RGL1: variants seen among roughly 807,000 people sequenced by gnomAD.
RGL1 encodes ral guanine nucleotide dissociation stimulator-like 1.
RGL1 carries 24 observed loss-of-function variants against 95.2 expected under a neutral mutation model. The ratio of observed to expected loss-of-function variants is 0.25; its 90% CI spans 0.18 to 0.35. The LOEUF is 0.35. Ranked by LOEUF, RGL1 falls within the 10% of genes least tolerant of loss-of-function variation. The probability of loss-of-function intolerance (pLI) is 1.00; values close to 1 mark genes in which losing one functional copy is unlikely to be tolerated. For missense variants in RGL1, 715 were observed against 936.3 expected, an observed-to-expected ratio of 0.76 and a Z score of 3.08; for synonymous variants, 329 against 344.9, an observed-to-expected ratio of 0.95 and a Z score of 0.51.
chr1:183,650,318 C>T (rs771976582), intron 1 of RGL1, among the ~76,000 whole-genome samples: 10 of 152,040 alleles, frequency 6.6e-5, no homozygotes, highest in Non-Finnish European at 1.0e-4. Context: ...CCAGGGTGGG[C>T]GGATCATGAG....
intron 1 of RGL1, among the ~76,000 whole-genome samples, chr1:183,681,538 G>T (rs1241532487): frequency 3.9e-5 from 6 of 152,206 alleles, no homozygotes; most frequent in Non-Finnish European, 7.3e-5. Context: ...CTTGATCATG[G>T]TGGATAAGCT....
intron 2 of RGL1, among the ~76,000 whole-genome samples, chr1:183,762,196 G>A (rs187477102): frequency 9.2e-5 from 14 of 152,330 alleles, no homozygotes; most frequent in African/African-American, 3.4e-4. Flanking sequence ...TGGCACAAGA[G>A]GCTTAGCTTT....
chr1:183,648,813 T>C, intron 1 of RGL1: 1 of 1,508,974 alleles, frequency 6.6e-7, no homozygotes, highest in Non-Finnish European at 8.9e-7. Context: ...GCTGCAAACC[T>C]AAACAAGGAA....
chr1:183,737,165 G>T (rs78269675), intron 1 of RGL1, among the ~76,000 whole-genome samples: 5,367 of 152,270 alleles, frequency 0.035, 106 homozygotes, highest in East Asian at 0.08. Context: ...GGCATCCATG[G>T]AAGTGATGGA....
At chr1:183,708,948 A>G (rs1016905680) in intron 1 of RGL1, among the ~76,000 whole-genome samples, 3 of 152,194 alleles carry the variant, frequency 2.0e-5, no homozygotes, top group Non-Finnish European at 4.4e-5. Flanking sequence ...GAGCGCGCCA[A>G]TGAACACCAC....
At chr1:183,811,184 G>A (rs953605616) in intron 2 of RGL1, among the ~76,000 whole-genome samples, 3 of 152,156 alleles carry the variant, frequency 2.0e-5, no homozygotes, top group Non-Finnish European at 2.9e-5. Flanking sequence ...ACACCCATTC[G>A]AGAACAAAGC....
intron 2 of RGL1, among the ~76,000 whole-genome samples, chr1:183,796,581 G>C (rs1015832382): frequency 3.9e-5 from 6 of 152,094 alleles, no homozygotes; most frequent in African/African-American, 1.4e-4. Context: ...AGAAGTGGTG[G>C]GACTAGGACT....
intron 8 of RGL1, among the ~76,000 whole-genome samples, chr1:183,889,619 G>T (rs1667303482): frequency 6.6e-6 from 1 of 152,188 alleles, no homozygotes; most frequent in Non-Finnish European, 1.5e-5. Context: ...GCTGAAAAAT[G>T]AGTGCCAGAA....
At chr1:183,847,462 A>C (rs1664517415) in intron 2 of RGL1, 104 bp from the exon 3 acceptor site, 2 of 930,574 alleles carry the variant, frequency 2.1e-6, no homozygotes, top group Middle Eastern at 3.4e-4. Flanking sequence ...ATAAATAAGA[A>C]TGAGAGGAAA....
intron 15 of RGL1, among the ~76,000 whole-genome samples, chr1:183,913,453 C>T (rs1337796870): frequency 6.6e-6 from 1 of 152,220 alleles, no homozygotes; most frequent in East Asian, 1.9e-4. Flanking sequence ...ACTTCGGCCT[C>T]CCAAAGTGCT....
chr1:183,842,447 C>T lies in RGL1; in HGVS notation c.139-5119C>T, dbSNP rs538171566. Among the ~76,000 whole-genome samples the T allele has an allele frequency of 3.9e-4, 59 of 151,762 alleles. No individual in the cohort carries two copies. The South Asian group carries it at 0.011, about 27-fold the overall frequency. On this transcript the variant is annotated intron_variant, in intron 2 of 17. Coordinates refer to ENST00000360851, the MANE Select transcript of RGL1 (RefSeq NM_001297671.3). Reference sequence around the variant, plus strand: ...GGAATTGAAATATGGCATCTTTCATCTCTCACATGCCCTTTTTCCTCTCCG... The same window carrying T: ...GGAATTGAAATATGGCATCTTTCATTTCTCACATGCCCTTTTTCCTCTCCG...
At chr1:183,677,722 G>A (rs1207848155) in intron 1 of RGL1, among the ~76,000 whole-genome samples, 1 of 152,112 alleles carries the variant, frequency 6.6e-6, no homozygotes, top group Non-Finnish European at 1.5e-5. Context: ...CCTCAAATTA[G>A]GGGTGTTGTG....
At chr1:183,664,980 T>A (rs1311279912) in intron 1 of RGL1, among the ~76,000 whole-genome samples, 1 of 152,162 alleles carries the variant, frequency 6.6e-6, no homozygotes, top group Non-Finnish European at 1.5e-5. Context: ...GGGAAAGCTT[T>A]ATTGTTTTTT....
intron 1 of RGL1, among the ~76,000 whole-genome samples, chr1:183,715,321 G>A (rs1655545418): frequency 2.0e-5 from 3 of 151,744 alleles, no homozygotes; most frequent in South Asian, 2.1e-4. Context: ...TTCCTCCCTC[G>A]TTGTTGGTGA....
intron 15 of RGL1, 117 bp from the exon 16 acceptor site, chr1:183,916,330 T>C (rs1668966429): frequency 1.6e-6 from 2 of 1,223,346 alleles, no homozygotes; most frequent in East Asian, 2.3e-5. Context: ...CTGTGGGCTG[T>C]TGTGGAGGAA....
At chr1:183,778,216 G>A (rs904047747) in intron 2 of RGL1, among the ~76,000 whole-genome samples, 6 of 152,172 alleles carry the variant, frequency 3.9e-5, no homozygotes, top group African/African-American at 1.2e-4. Flanking sequence ...TGGGTTAACC[G>A]CCATAAGGCA....
chr1:183,779,209 TTCCTTCC>T (rs1439875929), intron 2 of RGL1, among the ~76,000 whole-genome samples: 8 of 137,014 alleles, frequency 5.8e-5, no homozygotes, highest in African/African-American at 2.2e-4. Flanking sequence ...CCTTCCTTCC[TTCCTTCC>T]TTCCTTCCTT....
chr1:183,647,133 T>C (rs1188075786), intron 1 of RGL1: 1 of 152,988 alleles, frequency 6.5e-6, no homozygotes, highest in Admixed American at 6.5e-5. Context: ...TAGCTATATG[T>C]AATCAGCAGA....
chr1:183,886,390 A>G (rs1162634381), intron 7 of RGL1, among the ~76,000 whole-genome samples: 1 of 152,124 alleles, frequency 6.6e-6, no homozygotes, highest in East Asian at 1.9e-4. Flanking sequence ...TTTTAGAATG[A>G]TAAGGAATTA....
Sources: gnomAD v4.1 joint callset for allele counts (sites outside exome capture counted in the v4.1 genomes callset) on GRCh38, gnomAD v4.1.1 for gene constraint, MANE v1.5 for transcripts, NCBI Gene and HGNC (gene_info 2026-07-23, HGNC 2026-07-21) for gene names.